PITPNM3: variants seen among roughly 807,000 people sequenced by gnomAD.
PITPNM3 encodes PITPNM family member 3.
Under a neutral mutation model 102.0 loss-of-function variants are expected in PITPNM3, and 26 were observed. That is an observed-to-expected ratio of 0.25 (90% CI 0.19 to 0.35). PITPNM3 has a LOEUF of 0.35. Ranked by LOEUF, PITPNM3 falls within the 10% of genes least tolerant of loss-of-function variation. PITPNM3 has a pLI of 1.00. For missense variants in PITPNM3, 1,083 were observed against 1,346.1 expected (o/e 0.80, Z 3.06); for synonymous variants, 578 against 558.6 (o/e 1.03, Z -0.49).
chr17:6,464,882 G>T, intron 14 of PITPNM3, 111 bp from the exon 15 acceptor site: 1 of 1,003,812 alleles, frequency 1.0e-6, no homozygotes. Context: ...GCTGAATCAT[G>T]TCTCTCTACT....
chr17:6,488,156 C>T (rs1302360468), intron 4 of PITPNM3, among the ~76,000 whole-genome samples: 1 of 152,194 alleles, frequency 6.6e-6, no homozygotes, highest in Non-Finnish European at 1.5e-5. Flanking sequence ...GCTACCTTCC[C>T]TGTACCTTCC....
intron 15 of PITPNM3, 85 bp from the exon 16 acceptor site, chr17:6,464,403 C>A: frequency 7.1e-7 from 1 of 1,415,446 alleles, no homozygotes. Context: ...GAACTCTGGG[C>A]TGAGGTCCCT....
chr17:6,522,274 T>C (rs1000240079), intron 3 of PITPNM3, among the ~76,000 whole-genome samples: 2 of 119,878 alleles, frequency 1.7e-5, no homozygotes, highest in African/African-American at 6.7e-5. Context: ...CCATGAGGTA[T>C]ATTTAGTGTG....
At chr17:6,475,319 C>T (rs189872951) in intron 9 of PITPNM3, among the ~76,000 whole-genome samples, 2 of 152,324 alleles carry the variant, frequency 1.3e-5, no homozygotes, top group African/African-American at 4.8e-5. Flanking sequence ...ATCCAAGTTA[C>T]GTTCAGCCAC....
rs1348431735 is a variant in PITPNM3, at chr17:6,455,438, T to TCGGGCTTGGGGTTGG, written c.2810_2824dup (p.Ala937_Pro941dup). The TCGGGCTTGGGGTTGG allele has an allele frequency of 1.3e-5, 21 of 1,603,692 alleles. No individual in the cohort carries two copies. The highest frequency in any genetic ancestry group is 1.8e-5 in the Non-Finnish European group (21 of 1,178,596). On this transcript the variant is annotated inframe_insertion, in exon 20 of 20. Coordinates refer to ENST00000262483, the MANE Select transcript of PITPNM3 (RefSeq NM_031220.4). The stretch of plus-strand genomic sequence containing the variant: ...CGACTCGGGCTGGCTCTGGGCCCGC[T>TCGGGCTTGGGGTTGG]CGGGCTTGGGGTTGGCGGCGGGCGG...
At chr17:6,520,792 T>C (rs1025048208) in intron 3 of PITPNM3, among the ~76,000 whole-genome samples, 6 of 152,166 alleles carry the variant, frequency 3.9e-5, no homozygotes, top group African/African-American at 1.4e-4. Context: ...CAAGGGAAAG[T>C]TACTCAGCCC....
rs559149531 is a variant in PITPNM3 at position 6,472,194 on chromosome 17, G to T, written c.1429+463C>A. Among the ~76,000 whole-genome samples the T allele has an allele frequency of 6.6e-6, 1 of 152,238 alleles. No homozygotes were observed. The highest frequency in any genetic ancestry group is 2.1e-4 in the South Asian group (1 of 4,814). ...TGCCCTCGCTCCTGCTGTTCTCCCT[G>T]CCTGGAAGATCTCAACCCTCATCCT... On this transcript the variant is annotated intron_variant, in intron 11 of 19. Coordinates refer to ENST00000262483, the MANE Select transcript of PITPNM3 (RefSeq NM_031220.4). The surrounding 1 kb of genome is among the most constrained non-coding windows in gnomAD (Gnocchi z 4.1).
At chr17:6,483,424 C>G in intron 6 of PITPNM3, 93 bp downstream of exon 6, 1 of 1,243,004 alleles carries the variant, frequency 8.0e-7, no homozygotes, top group Non-Finnish European at 1.2e-6. Flanking sequence ...TGCAGGTACC[C>G]ACCTGCCCAC....
intron 1 of PITPNM3, among the ~76,000 whole-genome samples, chr17:6,552,855 C>G (rs567015106): frequency 6.8e-6 from 1 of 147,878 alleles, no homozygotes; most frequent in Non-Finnish European, 1.5e-5. Flanking sequence ...CAAGCTCTGA[C>G]TCCTGGGTTC....
At position 6,478,788 on chromosome 17, in the gene PITPNM3, G is replaced by C; in HGVS notation, c.588-52C>G. The C allele has an allele frequency of 1.3e-6, 2 of 1,508,246 alleles. No individual in the cohort carries two copies. The highest frequency in any genetic ancestry group is 1.8e-6 in the Non-Finnish European group (2 of 1,126,060). 93.4% of individuals were successfully genotyped at this position (1,508,246 alleles called of 1,614,324 possible). On this transcript the variant is annotated intron_variant, in intron 6 of 19. Coordinates refer to ENST00000262483, the MANE Select transcript of PITPNM3 (RefSeq NM_031220.4). The surrounding 1 kb of genome is among the most constrained non-coding windows in gnomAD (Gnocchi z 4.4). ...CCAGCCAGGATCGGGCAGGTTGGCAGGTTTGGGGCTGAGGATCAGGCAGAA... is the reference window on the plus strand; with the variant it reads ...CCAGCCAGGATCGGGCAGGTTGGCACGTTTGGGGCTGAGGATCAGGCAGAA...
intron 17 of PITPNM3, among the ~76,000 whole-genome samples, chr17:6,463,459 A>AGGGAGGGAGGGAGGGAAGG (rs1904590905): frequency 2.1e-5 from 1 of 47,532 alleles, no homozygotes; most frequent in African/African-American, 8.7e-5. Context: ...GGGAGGGAAG[A>AGGGAGGGAGGGAGGGAAGG]AGGAAAAAAG....
chr17:6,489,682 C>T (rs1011336136), intron 4 of PITPNM3, among the ~76,000 whole-genome samples: 1 of 152,102 alleles, frequency 6.6e-6, no homozygotes, highest in Non-Finnish European at 1.5e-5. Context: ...GACTGTTAGG[C>T]CCTTTCAGTC....
intron 3 of PITPNM3, chr17:6,521,512 A>G (rs1908516459): frequency 6.6e-6 from 1 of 152,120 alleles, no homozygotes; most frequent in East Asian, 1.9e-4. Context: ...AATTGCAAAA[A>G]TAATAATAGT....
chr17:6,505,869 G>A (rs553304114), intron 3 of PITPNM3, among the ~76,000 whole-genome samples: 8 of 152,290 alleles, frequency 5.3e-5, no homozygotes, highest in Admixed American at 6.5e-5. Flanking sequence ...CGAGACCGGC[G>A]GGGAGAGACG....
chr17:6,455,098 T>G lies in PITPNM3; in HGVS notation c.*240A>C. On this transcript the variant is annotated 3_prime_UTR_variant, in exon 20 of 20. Transcript: ENST00000262483. ...CATGAACCCTGACTTGGGCTTGCGG[T>G]CGCAGGCCCGTGGGAGGCAGCAGTG... 1 of 550,328 alleles carries G rather than the reference T, an allele frequency of 1.8e-6. No homozygotes were observed. The highest frequency in any genetic ancestry group is 3.1e-6 in the Non-Finnish European group (1 of 321,284). 34.1% of individuals were successfully genotyped at this position (550,328 alleles called of 1,614,324 possible).
intron 3 of PITPNM3, chr17:6,521,527 T>TA (rs1908518114): frequency 6.6e-6 from 1 of 151,888 alleles, no homozygotes; most frequent in Admixed American, 6.5e-5. Flanking sequence ...AATAGTATAA[T>TA]AAATAATAAT....
chr17:6,504,087 C>A (rs551331858), intron 3 of PITPNM3, among the ~76,000 whole-genome samples: 1 of 152,186 alleles, frequency 6.6e-6, no homozygotes. Flanking sequence ...TAGAAGTCTG[C>A]GGCCCCTCCC....
intron 6 of PITPNM3, among the ~76,000 whole-genome samples, chr17:6,482,036 G>C (rs34560418): frequency 0.088 from 2,230 of 25,338 alleles, 87 homozygotes; most frequent in Non-Finnish European, 0.099. Flanking sequence ...CTCTCTCTCT[G>C]TCTGTCTCTC....
intron 4 of PITPNM3, among the ~76,000 whole-genome samples, chr17:6,497,981 C>G (rs1283824251): frequency 6.6e-6 from 1 of 152,198 alleles, no homozygotes; most frequent in East Asian, 1.9e-4. Context: ...CCGCAGGTCT[C>G]CTGGGAGAAT....
Sources: gnomAD v4.1 joint callset for allele counts (sites outside exome capture counted in the v4.1 genomes callset) on GRCh38, gnomAD v4.1.1 for gene constraint, Gnocchi (gnomAD v3.1) non-coding constraint, MANE v1.5 for transcripts, NCBI Gene and HGNC (gene_info 2026-07-23, HGNC 2026-07-21) for gene names.